PXK: variants seen among roughly 807,000 people sequenced by gnomAD.
PXK encodes PX domain-containing protein kinase-like protein.
In PXK, 35 loss-of-function variants were observed where a neutral mutation model predicts 84.7. That is an observed-to-expected ratio of 0.41 (90% CI 0.32 to 0.55). PXK has a LOEUF of 0.55. PXK is among the 20% of genes least tolerant of loss of function. The pLI is 0.21. For synonymous variants in PXK, 253 were observed against 260.8 expected, an observed-to-expected ratio of 0.97 and a Z score of 0.29; for missense variants, 634 against 699.7, an observed-to-expected ratio of 0.91 and a Z score of 1.06.
At chr3:58,375,125 C>G (rs2098427124) in intron 3 of PXK, among the ~76,000 whole-genome samples, 1 of 152,206 alleles carries the variant, frequency 6.6e-6, no homozygotes, top group Admixed American at 6.5e-5. Context: ...ATGAAATTCA[C>G]TCTCACATCC....
chr3:58,359,591 T>C (rs548566459), intron 1 of PXK, among the ~76,000 whole-genome samples: 3 of 151,146 alleles, frequency 2.0e-5, no homozygotes, highest in African/African-American at 7.3e-5. Context: ...ATGCGCAAAG[T>C]GATTTTTGTG....
intron 3 of PXK, among the ~76,000 whole-genome samples, chr3:58,371,841 G>A (rs2098377114): frequency 6.6e-6 from 1 of 152,120 alleles, no homozygotes; most frequent in Non-Finnish European, 1.5e-5. Flanking sequence ...TCAGTGGGAG[G>A]TTTTTCTGGA....
chr3:58,399,477 C>A lies in PXK; in HGVS notation c.1181+100C>A. The A allele has an allele frequency of 1.6e-6, 2 of 1,237,786 alleles. No homozygotes were observed. 76.7% of individuals were successfully genotyped at this position (1,237,786 alleles called of 1,614,324 possible). On this transcript the variant is annotated intron_variant, in intron 12 of 17. Transcript: ENST00000356151. The surrounding 1 kb of genome is among the most constrained non-coding windows in gnomAD (Gnocchi z 4.3). Reference sequence around the variant, plus strand: ...GTACTGTAGTAAAGATTCTTGCGGTCCCTGCAGAGTTGGCGTGGCCTGCTT... The same window carrying A: ...GTACTGTAGTAAAGATTCTTGCGGTACCTGCAGAGTTGGCGTGGCCTGCTT...
chr3:58,422,694 T>C, intron 17 of PXK: 2 of 985,354 alleles, frequency 2.0e-6, no homozygotes, highest in Non-Finnish European at 2.4e-6. Flanking sequence ...TGGTTCTCTG[T>C]GAGGCCAAGC....
rs938765069 is a variant in PXK, at chr3:58,411,704, G to C, written c.1466-1197G>C. Among the ~76,000 whole-genome samples the C allele has an allele frequency of 3.3e-5, 5 of 152,156 alleles. No homozygotes were observed. The highest frequency in any genetic ancestry group is 7.4e-5 in the Non-Finnish European group (5 of 68,024). On this transcript the variant is annotated intron_variant, in intron 16 of 17. Coordinates refer to ENST00000356151, the MANE Select transcript of PXK (RefSeq NM_017771.5). The surrounding 1 kb of genome is among the most constrained non-coding windows in gnomAD (Gnocchi z 4.2). ...TCAGGATACCCCAGTGCCCTCAGGA[G>C]TTTAGGAAAATGAAGTAGCAGTTGA...
chr3:58,392,018 G>A (rs547572622), intron 7 of PXK, among the ~76,000 whole-genome samples, 171 bp downstream of exon 7: 47 of 152,260 alleles, frequency 3.1e-4, no homozygotes, highest in Non-Finnish European at 5.9e-4. Flanking sequence ...ATTTGAAATG[G>A]CATTCATGAC....
At chr3:58,336,071 A>ATATATATATTTT (rs1284780630) in intron 1 of PXK, among the ~76,000 whole-genome samples, 20 of 51,576 alleles carry the variant, frequency 3.9e-4, no homozygotes, top group Non-Finnish European at 5.6e-4. Flanking sequence ...ATATATATAT[A>ATATATATATTTT]TTTTTTTTTT....
rs1383507200 is a variant in PXK at position 58,370,177 on chromosome 3, C to T, written c.201+699C>T. On this transcript the variant is annotated intron_variant, in intron 3 of 17. Coordinates refer to ENST00000356151, the MANE Select transcript of PXK (RefSeq NM_017771.5). The surrounding 1 kb of genome is among the most constrained non-coding windows in gnomAD (Gnocchi z 4.2). ...CATATCAGCTCTGCGGATCAACATG[C>T]AGCAGTAACTGAGAGTCTCAACCTT... 2.6e-5 allele frequency among the ~76,000 whole-genome samples: 4 copies of T among 152,202 alleles called. No individual in the cohort carries two copies. The highest frequency in any genetic ancestry group is 2.6e-4 in the Admixed American group (4 of 15,280).
intron 1 of PXK, among the ~76,000 whole-genome samples, chr3:58,360,768 G>A (rs1029864237): frequency 6.6e-5 from 10 of 151,160 alleles, no homozygotes; most frequent in Non-Finnish European, 1.0e-4. Context: ...GGAGGTGGAG[G>A]TTACAGTGAG....
chr3:58,349,378 C>G (rs1240115524), intron 1 of PXK, among the ~76,000 whole-genome samples: 1 of 125,676 alleles, frequency 8.0e-6, no homozygotes, highest in Non-Finnish European at 1.6e-5. Context: ...TTTTTTGAGA[C>G]GGAGTCTCAC....
rs2058606610 is a variant in PXK, at chr3:58,401,778, T to C, written c.1182-2084T>C. On this transcript the variant is annotated intron_variant, in intron 12 of 17. Coordinates refer to ENST00000356151, the MANE Select transcript of PXK (RefSeq NM_017771.5). The surrounding 1 kb of genome is among the most constrained non-coding windows in gnomAD (Gnocchi z 4.4). ...TGTCTCTACTAAAAATGCAAAAAAA[T>C]TAGCCGAGCGTGGTGGCGGGCGTCT... 6.6e-6 allele frequency among the ~76,000 whole-genome samples: 1 copy of C among 151,632 alleles called. No individual in the cohort carries two copies. The highest frequency in any genetic ancestry group is 1.9e-4 in the East Asian group (1 of 5,154).
Position 58,424,982 on chromosome 3 carries a change from G to T in PXK, c.*22G>T. ...CTGAAGCTTCCTGTTTACACTTGGA[G>T]GGAAAAGTTCTTTTTTATTCCTACT... is the stretch of plus-strand genomic sequence containing the variant. On this transcript the variant is annotated 3_prime_UTR_variant, in exon 18 of 18. Transcript: ENST00000356151. 1 of 1,613,022 alleles carries T rather than the reference G, an allele frequency of 6.2e-7. No homozygotes were observed. The highest frequency in any genetic ancestry group is 1.1e-5 in the South Asian group (1 of 90,920).
Position 58,399,048 on chromosome 3 carries a change from G to A in PXK, c.1103-251G>A, listed in dbSNP as rs11712139. 0.3 allele frequency among the ~76,000 whole-genome samples: 45,072 copies of A among 152,060 alleles called. 7,440 individuals carry two copies. The highest frequency in any genetic ancestry group is 0.39 in the Middle Eastern group (116 of 294). Reference sequence around the variant, plus strand: ...AATGATATCTTGAATCCTTCCTCCAGTTATCTTTGAAATATATTTAGCTTT... The same window carrying A: ...AATGATATCTTGAATCCTTCCTCCAATTATCTTTGAAATATATTTAGCTTT... On this transcript the variant is annotated intron_variant, in intron 11 of 17. Coordinates refer to ENST00000356151, the MANE Select transcript of PXK (RefSeq NM_017771.5). The surrounding 1 kb of genome is among the most constrained non-coding windows in gnomAD (Gnocchi z 4.3).
Position 58,409,337 on chromosome 3 carries a change from G to A in PXK, c.1309-195G>A, listed in dbSNP as rs1208993301. Among the ~76,000 whole-genome samples, 3 of 152,184 alleles carry A rather than the reference G, an allele frequency of 2.0e-5. No individual in the cohort carries two copies. Among genetic ancestry groups the A allele is most frequent in the African/African-American group, 7.2e-5 (3 of 41,442 alleles). On this transcript the variant is annotated intron_variant, in intron 14 of 17. Transcript: ENST00000356151. This position sits in a 1 kb window ranked among gnomAD's most constrained non-coding sequence, Gnocchi z 4.2. ...AGGGAAAGGCAGGAAGGCATTAGGG[G>A]CATGAGAAAGGACCTCTTCCTTTGG...
At chr3:58,378,452 T>A (rs1345193429) in intron 3 of PXK, among the ~76,000 whole-genome samples, 1 of 151,540 alleles carries the variant, frequency 6.6e-6, no homozygotes, top group Non-Finnish European at 1.5e-5. Flanking sequence ...TTTTGTTTCT[T>A]ATTTAAATGT....
At chr3:58,374,144 A>C (rs181171042) in intron 3 of PXK, among the ~76,000 whole-genome samples, 1 of 148,440 alleles carries the variant, frequency 6.7e-6, no homozygotes, top group Non-Finnish European at 1.5e-5. Flanking sequence ...CCAATTTGGG[A>C]ATCATTCCCT....
At chr3:58,340,384 A>G (rs2097708811) in intron 1 of PXK, among the ~76,000 whole-genome samples, 1 of 150,734 alleles carries the variant, frequency 6.6e-6, no homozygotes, top group African/African-American at 2.4e-5. Flanking sequence ...TGGCCTCCCA[A>G]AGTGCTGGGA....
chr3:58,336,062 TA>T (rs1559829297), intron 1 of PXK, among the ~76,000 whole-genome samples: 28 of 58,096 alleles, frequency 4.8e-4, no homozygotes, highest in Admixed American at 8.9e-4. Context: ...TATATATATA[TA>T]TATATATATT....
chr3:58,333,082 T>G lies in PXK; in HGVS notation c.94T>G (p.Ser32Ala). The stretch of plus-strand genomic sequence containing the variant: ...CATCGAGGCGAGCCAGAGCCTGCAG[T>G]CCCACACGGTGCGCGGCCCAGCGGG... ...AAIEASQSLQ[S>A]HTEYIIRVQR... Residue 32 changes from serine (S) to alanine (A), a missense_variant, in exon 1 of 18, where the codon TCC (serine) becomes GCC (alanine). Ser to Ala is a moderately conservative substitution (Grantham distance 99, BLOSUM62 1). Around this residue, in one of 3 missense-constraint regions of PXK, gnomAD observed 353 missense variants for 385.2 expected, o/e 0.92. Coordinates refer to ENST00000356151, the MANE Select transcript of PXK (RefSeq NM_017771.5). The surrounding 1 kb of genome is among the most constrained non-coding windows in gnomAD (Gnocchi z 5.4). The G allele has an allele frequency of 5.6e-6, 7 of 1,252,294 alleles. No individual in the cohort carries two copies. Among genetic ancestry groups the G allele is most frequent in the East Asian group, 8.5e-5 (2 of 23,426 alleles). 77.6% of individuals were successfully genotyped at this position (1,252,294 alleles called of 1,614,324 possible).
Sources: allele counts gnomAD v4.1 joint callset (sites outside exome capture counted in the v4.1 genomes callset), GRCh38; gene constraint gnomAD v4.1.1; regional missense constraint gnomAD v4.1.1; non-coding constraint Gnocchi (gnomAD v3.1); transcripts MANE v1.5; gene names NCBI Gene and HGNC (gene_info 2026-07-23, HGNC 2026-07-21).